TNFSF4: variants seen among roughly 807,000 people sequenced by gnomAD.
The protein encoded by TNFSF4 is TNF superfamily member 4.
A neutral mutation model predicts 7.3 loss-of-function variants in TNFSF4; 4 were observed. The observed-to-expected ratio is 0.55, with a 90% confidence interval of 0.27 to 1.25. TNFSF4 has a LOEUF of 1.25. TNFSF4 is among the 50% of genes most tolerant of loss of function. TNFSF4 has a pLI of 0.12. For missense variants in TNFSF4, 181 were observed against 208.8 expected, an observed-to-expected ratio of 0.87 and a Z score of 0.82; for synonymous variants, 76 against 83.7, an observed-to-expected ratio of 0.91 and a Z score of 0.50.
chr1:173,235,019 G>A, the TNFSF4 span, among the ~76,000 whole-genome samples: 2 of 152,120 alleles, frequency 1.3e-5, no homozygotes, highest in African/African-American at 4.8e-5. Context: ...GATTCCCAAA[G>A]ACCTATAATC....
chr1:173,308,182 T>A, the TNFSF4 span, among the ~76,000 whole-genome samples: 1 of 151,992 alleles, frequency 6.6e-6, no homozygotes. Context: ...TAATGGTATC[T>A]TTTGATAAAC....
chr1:173,410,454 A>G, the TNFSF4 span, among the ~76,000 whole-genome samples: 2,149 of 152,322 alleles, frequency 0.014, 51 homozygotes, highest in African/African-American at 0.049. Context: ...TCACTCACTC[A>G]CTGGTTCTCC....
chr1:173,278,620 A>G, the TNFSF4 span, among the ~76,000 whole-genome samples: 1 of 152,110 alleles, frequency 6.6e-6, no homozygotes, highest in African/African-American at 2.4e-5. Context: ...ATCAAATATG[A>G]TCTCAGCACA....
the TNFSF4 span, among the ~76,000 whole-genome samples, chr1:173,327,562 A>C: frequency 6.6e-6 from 1 of 151,638 alleles, no homozygotes; most frequent in Non-Finnish European, 1.5e-5. Flanking sequence ...CAGAGTGAAC[A>C]GGCAACCTAC....
chr1:173,400,975 A>C, the TNFSF4 span, among the ~76,000 whole-genome samples: 1 of 152,176 alleles, frequency 6.6e-6, no homozygotes, highest in Non-Finnish European at 1.5e-5. Context: ...TCTAATTGTC[A>C]TGATTATTTC....
the TNFSF4 span, among the ~76,000 whole-genome samples, chr1:173,437,171 C>G: frequency 1.3e-5 from 2 of 152,278 alleles, no homozygotes; most frequent in African/African-American, 2.4e-5. Context: ...TGCATGGACC[C>G]CTCCAGGCTC....
the TNFSF4 span, among the ~76,000 whole-genome samples, chr1:173,226,916 G>A: frequency 6.6e-6 from 1 of 152,190 alleles, no homozygotes; most frequent in South Asian, 2.1e-4. Flanking sequence ...TGGATATAGA[G>A]AAAAGGGGAA....
chr1:173,325,009 C>T, the TNFSF4 span, among the ~76,000 whole-genome samples: 10 of 152,268 alleles, frequency 6.6e-5, no homozygotes, highest in East Asian at 1.5e-3. Flanking sequence ...CTGCACCAAG[C>T]GGACCTAAGA....
chr1:173,281,040 T>C, the TNFSF4 span, among the ~76,000 whole-genome samples: 1 of 152,150 alleles, frequency 6.6e-6, no homozygotes, highest in African/African-American at 2.4e-5. Flanking sequence ...ATAAAATCAG[T>C]GTTGAGTCTC....
the TNFSF4 span, among the ~76,000 whole-genome samples, chr1:173,238,153 G>T: frequency 2.0e-5 from 3 of 152,102 alleles, no homozygotes; most frequent in Non-Finnish European, 4.4e-5. Context: ...AACAAGCAAT[G>T]GTAAAAGGAT....
At chr1:173,301,587 A>G in the TNFSF4 span, among the ~76,000 whole-genome samples, 1 of 151,818 alleles carries the variant, frequency 6.6e-6, no homozygotes. Context: ...TGACTCATTC[A>G]CTCATTAATT....
chr1:173,193,821 C>T (rs1331692658), intron 1 of TNFSF4, among the ~76,000 whole-genome samples: 1 of 151,036 alleles, frequency 6.6e-6, no homozygotes, highest in Non-Finnish European at 1.5e-5. Flanking sequence ...AATATGGGCT[C>T]TTTGACCAAA....
the TNFSF4 span, among the ~76,000 whole-genome samples, chr1:173,398,442 T>G: frequency 6.7e-6 from 1 of 149,766 alleles, no homozygotes; most frequent in Non-Finnish European, 1.5e-5. Context: ...GTTCTCTTTT[T>G]GAGACAGAGT....
chr1:173,437,511 C>T, the TNFSF4 span, among the ~76,000 whole-genome samples: 35 of 152,172 alleles, frequency 2.3e-4, no homozygotes, highest in African/African-American at 8.4e-4. Context: ...ATTATATAGG[C>T]ATTCATCTTT....
At chr1:173,216,337 T>C in the TNFSF4 span, among the ~76,000 whole-genome samples, 2 of 152,146 alleles carry the variant, frequency 1.3e-5, no homozygotes, top group Admixed American at 1.3e-4. Flanking sequence ...CACTTACTCA[T>C]CGAACATTTT....
chr1:173,347,642 G>A, the TNFSF4 span, among the ~76,000 whole-genome samples: 1 of 152,188 alleles, frequency 6.6e-6, no homozygotes, highest in Non-Finnish European at 1.5e-5. Context: ...TTTATGCAGA[G>A]TTATGTGTAC....
upstream of TNFSF4, among the ~76,000 whole-genome samples, chr1:173,211,684 G>A (rs889261307): frequency 5.3e-5 from 8 of 152,174 alleles, no homozygotes; most frequent in Non-Finnish European, 1.2e-4. Context: ...CATTCCCCAT[G>A]AAGGGCTGTC....
At chr1:173,233,201 A>G in the TNFSF4 span, among the ~76,000 whole-genome samples, 1 of 152,356 alleles carries the variant, frequency 6.6e-6, no homozygotes, top group Admixed American at 6.5e-5. Flanking sequence ...TCAGTAGCTG[A>G]TTCGATCAAC....
the TNFSF4 span, among the ~76,000 whole-genome samples, chr1:173,296,403 T>C: frequency 6.6e-6 from 1 of 151,940 alleles, no homozygotes; most frequent in Non-Finnish European, 1.5e-5. Context: ...TGAGGATGAG[T>C]CATGCCTTCA....
Sources: allele counts gnomAD v4.1 joint callset (sites outside exome capture counted in the v4.1 genomes callset), GRCh38; gene constraint gnomAD v4.1.1; transcripts MANE v1.5; gene names NCBI Gene and HGNC (gene_info 2026-07-23, HGNC 2026-07-21).